NEBL: variants seen among roughly 807,000 people sequenced by gnomAD.
The protein encoded by NEBL is nebulette, also known as LIM and SH3 protein 2.
NEBL carries 122 observed loss-of-function variants against 140.2 expected under a neutral mutation model. The ratio of observed to expected loss-of-function variants is 0.87; its 90% CI spans 0.75 to 1.01. The LOEUF is 1.01. NEBL is among the 50% of genes least tolerant of loss of function. The pLI is 0.00. For missense variants in NEBL, 1,365 were observed against 1,231.3 expected, an observed-to-expected ratio of 1.11 and a Z score of -1.62; for synonymous variants, 436 against 398.9, an observed-to-expected ratio of 1.09 and a Z score of -1.11.
chr10:21,001,054 G>C (rs151187008), intron 3 of NEBL, among the ~76,000 whole-genome samples: 1,605 of 152,172 alleles, frequency 0.011, 23 homozygotes, highest in African/African-American at 0.037. Context: ...ACCAATGCAG[G>C]TCCCCATGAG....
At chr10:21,214,768 G>T (rs1220454348) in intron 3 of NEBL, among the ~76,000 whole-genome samples, 3 of 152,172 alleles carry the variant, frequency 2.0e-5, no homozygotes, top group Non-Finnish European at 4.4e-5. Context: ...GGGAAAAAAT[G>T]GAAATCACTT....
chr10:20,827,028 T>A (rs1002615618), intron 17 of NEBL, among the ~76,000 whole-genome samples: 2 of 152,194 alleles, frequency 1.3e-5, no homozygotes, highest in Non-Finnish European at 2.9e-5. Context: ...ATTTCAAGTC[T>A]ATCTTCTTCA....
At chr10:20,794,322 CTCA>C (rs2131658015) in intron 26 of NEBL, among the ~76,000 whole-genome samples, 1 of 148,420 alleles carries the variant, frequency 6.7e-6, no homozygotes, top group Non-Finnish European at 1.5e-5. Flanking sequence ...CTTCTAGACT[CTCA>C]TATTATCTTT....
At chr10:21,133,434 C>T (rs1412082112) in intron 2 of NEBL, among the ~76,000 whole-genome samples, 5 of 152,096 alleles carry the variant, frequency 3.3e-5, no homozygotes, top group African/African-American at 1.2e-4. Context: ...TGGGGCAGTC[C>T]ATAAGGGGTT....
chr10:20,968,379 T>C (rs915259532), intron 3 of NEBL, among the ~76,000 whole-genome samples: 10 of 150,018 alleles, frequency 6.7e-5, no homozygotes, highest in Admixed American at 2.0e-4. Flanking sequence ...GGCATGGTGG[T>C]ACATACCCAT....
At chr10:21,161,286 C>G (rs1840549378) in intron 2 of NEBL, among the ~76,000 whole-genome samples, 1 of 152,136 alleles carries the variant, frequency 6.6e-6, no homozygotes, top group Non-Finnish European at 1.5e-5. Flanking sequence ...CCTGCTTCAG[C>G]CTCCCACAGT....
At chr10:20,817,488 G>A in intron 21 of NEBL, 112 bp downstream of exon 21, 1 of 934,700 alleles carries the variant, frequency 1.1e-6, no homozygotes, top group Non-Finnish European at 1.7e-6. Context: ...TTAGTCAAAT[G>A]AGAACAGGAC....
chr10:20,836,275 T>A (rs1330932056), intron 13 of NEBL, among the ~76,000 whole-genome samples: 1 of 152,074 alleles, frequency 6.6e-6, no homozygotes, highest in Non-Finnish European at 1.5e-5. Context: ...CAGGCTGGAG[T>A]GCAGTGGCGT....
At chr10:21,091,067 T>C (rs1468887939) in intron 2 of NEBL, among the ~76,000 whole-genome samples, 2 of 150,022 alleles carry the variant, frequency 1.3e-5, no homozygotes, top group African/African-American at 4.9e-5. Context: ...CTCCACCTCC[T>C]GAACCTCTCT....
chr10:20,929,290 A>G (rs926935933), intron 4 of NEBL, among the ~76,000 whole-genome samples: 21 of 151,908 alleles, frequency 1.4e-4, no homozygotes, highest in Non-Finnish European at 1.6e-4. Flanking sequence ...CCTATCACTG[A>G]TTAAAGGAAC....
rs566393959 is a variant in NEBL at position 20,924,226 on chromosome 10, T to C, written c.357+37446A>G. On this transcript the variant is annotated intron_variant, in intron 4 of 6. Coordinates refer to the NEBL transcript ENST00000417816. ...TTCATGGGTAGGGGCCAGGGATGCTTCCAAACCTGTATAATACACAGCCCA... is the reference window on the plus strand; with the variant it reads ...TTCATGGGTAGGGGCCAGGGATGCTCCCAAACCTGTATAATACACAGCCCA... 1.3e-3 allele frequency among the ~76,000 whole-genome samples: 201 copies of C among 151,950 alleles called. 2 individuals are homozygous for C. Among genetic ancestry groups the C allele is most frequent in the Non-Finnish European group, 2.4e-3 (165 of 67,940 alleles).
chr10:20,877,692 G>A (rs1461147187), intron 5 of NEBL, among the ~76,000 whole-genome samples: 2 of 152,144 alleles, frequency 1.3e-5, no homozygotes, highest in Non-Finnish European at 2.9e-5. Context: ...GAAACCGCCA[G>A]GCAAAGACCC....
rs189638077 is a variant in NEBL, at chr10:20,922,846, G to A, written c.357+38826C>T. Among the ~76,000 whole-genome samples the A allele has an allele frequency of 4.9e-3, 749 of 152,272 alleles. 5 individuals carry two copies. Among genetic ancestry groups the A allele is most frequent in the African/African-American group, 0.017 (721 of 41,548 alleles). ...AAGTCAATTAAAGGGAAAGGGAAGA[G>A]AAGATTTTGTGCTAGACAGATTCTG... On this transcript the variant is annotated intron_variant, in intron 4 of 6. Transcript: ENST00000417816.
chr10:20,976,696 A>G (rs998259879), intron 3 of NEBL, among the ~76,000 whole-genome samples: 1 of 152,140 alleles, frequency 6.6e-6, no homozygotes, highest in Non-Finnish European at 1.5e-5. Context: ...ACATGTTCTC[A>G]CTTATAAATA....
intron 4 of NEBL, among the ~76,000 whole-genome samples, chr10:20,948,809 A>C (rs1835301696): frequency 6.6e-6 from 1 of 152,320 alleles, no homozygotes; most frequent in Admixed American, 6.5e-5. Context: ...AGAGAACAAT[A>C]TTTGGCAGGA....
intron 3 of NEBL, among the ~76,000 whole-genome samples, chr10:21,185,042 C>G (rs1216061324): frequency 6.6e-6 from 1 of 152,192 alleles, no homozygotes; most frequent in Non-Finnish European, 1.5e-5. Context: ...CCCCATGTCT[C>G]CCCTGATCAG....
rs116308556 is a variant in NEBL, at chr10:21,285,195, A to G, written n.182+7635T>C. Among the ~76,000 whole-genome samples the G allele has an allele frequency of 1.8e-3, 272 of 152,336 alleles. 1 individual carries two copies. The highest frequency in any genetic ancestry group is 6.4e-3 in the African/African-American group (265 of 41,580). ...TTCATGGTTACAGAAGTGTGCCATTATCGAGTAGATCATTGGTGCAGCTTG... is the reference window on the plus strand; with the variant it reads ...TTCATGGTTACAGAAGTGTGCCATTGTCGAGTAGATCATTGGTGCAGCTTG... On this transcript the variant is annotated intron_variant and non_coding_transcript_variant, in intron 1 of 8. Transcript: ENST00000675702.
At chr10:21,238,814 G>T (rs1467084636) in intron 3 of NEBL, among the ~76,000 whole-genome samples, 1 of 151,118 alleles carries the variant, frequency 6.6e-6, no homozygotes, top group Non-Finnish European at 1.5e-5. Flanking sequence ...CCCCCCAAAA[G>T]CCTGTATAAC....
At chr10:20,891,013 A>T (rs79692876) in intron 2 of NEBL, among the ~76,000 whole-genome samples, 32 of 152,350 alleles carry the variant, frequency 2.1e-4, no homozygotes, top group Non-Finnish European at 3.2e-4. Context: ...ATTATAACCC[A>T]AAAGTGGAGC....
Sources: gnomAD v4.1 joint callset for allele counts (sites outside exome capture counted in the v4.1 genomes callset) on GRCh38, gnomAD v4.1.1 for gene constraint, MANE v1.5 for transcripts, NCBI Gene and HGNC (gene_info 2026-07-23, HGNC 2026-07-21) for gene names.